The following RASEF variants were observed in gnomAD, a reference collection of about 807,000 sequenced individuals.
RASEF encodes RAS and EF-hand domain containing, also known as ras and EF-hand domain-containing protein.
In RASEF, 68 loss-of-function variants were observed where a neutral mutation model predicts 90.1. That is an observed-to-expected ratio of 0.75 (90% confidence interval 0.62 to 0.92). The LOEUF (loss-of-function observed/expected upper bound fraction) is 0.92. Ranked by LOEUF, RASEF falls within the 40% of genes least tolerant of loss-of-function variation. RASEF has a pLI of 0.00. For missense variants in RASEF, 949 were observed against 937.2 expected (o/e 1.01, Z -0.16); for synonymous variants, 331 against 345.2 (o/e 0.96, Z 0.46).
chr9:83,049,314 C>A (rs903446629), intron 1 of RASEF: 2 of 985,286 alleles, frequency 2.0e-6, no homozygotes, highest in Non-Finnish European at 2.4e-6. Context: ...AGTCAGCTAA[C>A]CTGACGGGGA....
At chr9:83,092,678 G>C in the RASEF span, among the ~76,000 whole-genome samples, 4 of 152,174 alleles carry the variant, frequency 2.6e-5, no homozygotes, top group South Asian at 2.1e-4. Context: ...AAGGGGACCC[G>C]AGCGGGTTGC....
chr9:83,062,189 G>C (rs1383414502), intron 1 of RASEF, among the ~76,000 whole-genome samples: 1 of 152,180 alleles, frequency 6.6e-6, no homozygotes, highest in African/African-American at 2.4e-5. Flanking sequence ...CTCCTGTAAT[G>C]AACACGCCGC....
intron 1 of RASEF, among the ~76,000 whole-genome samples, chr9:83,032,449 A>G (rs1214990910): frequency 1.3e-5 from 2 of 152,238 alleles, no homozygotes; most frequent in Non-Finnish European, 2.9e-5. Context: ...AAGATTAAGG[A>G]TCAAGTCATA....
At chr9:83,200,750 C>T in the RASEF span, among the ~76,000 whole-genome samples, 1 of 152,158 alleles carries the variant, frequency 6.6e-6, no homozygotes, top group Admixed American at 6.5e-5. Flanking sequence ...ATAGCAGGGC[C>T]TCAGTGAGCT....
the RASEF span, among the ~76,000 whole-genome samples, chr9:83,159,061 C>T: frequency 6.6e-5 from 10 of 151,950 alleles, no homozygotes; most frequent in Admixed American, 3.9e-4. Context: ...TGGCAGGTGC[C>T]TGTAGTCCCA....
At chr9:83,168,485 T>C in the RASEF span, among the ~76,000 whole-genome samples, 1 of 152,272 alleles carries the variant, frequency 6.6e-6, no homozygotes, top group African/African-American at 2.4e-5. Flanking sequence ...TCATTTATCA[T>C]TCGGCACAGC....
chr9:83,203,677 G>A, the RASEF span, among the ~76,000 whole-genome samples: 1 of 152,124 alleles, frequency 6.6e-6, no homozygotes, highest in African/African-American at 2.4e-5. Context: ...GGTACGGTGG[G>A]GGTCTCTCTT....
chr9:83,190,470 A>G, the RASEF span, among the ~76,000 whole-genome samples: 2 of 152,188 alleles, frequency 1.3e-5, no homozygotes, highest in African/African-American at 2.4e-5. Context: ...CTTGCCTCTC[A>G]TTTATGTGCT....
chr9:83,177,650 G>C, the RASEF span, among the ~76,000 whole-genome samples: 1 of 151,014 alleles, frequency 6.6e-6, no homozygotes, highest in Non-Finnish European at 1.5e-5. Context: ...GTGTCATTTA[G>C]TTTTCTCTTG....
chr9:83,155,954 T>G, the RASEF span, among the ~76,000 whole-genome samples: 1 of 152,134 alleles, frequency 6.6e-6, no homozygotes, highest in African/African-American at 2.4e-5. Flanking sequence ...CAAGTTTCCA[T>G]CCCAGGATCT....
intron 15 of RASEF, among the ~76,000 whole-genome samples, chr9:82,990,897 C>T (rs955511094): frequency 1.3e-5 from 2 of 152,220 alleles, no homozygotes; most frequent in Non-Finnish European, 2.9e-5. Context: ...CTGGATCCAG[C>T]AGCCTCCACG....
At chr9:83,165,877 A>T in the RASEF span, among the ~76,000 whole-genome samples, 63 of 152,256 alleles carry the variant, frequency 4.1e-4, no homozygotes, top group Admixed American at 1.4e-3. Context: ...ACATTTTTTT[A>T]AAAACCCTAT....
chr9:83,084,861 T>G, the RASEF span, among the ~76,000 whole-genome samples: 7 of 152,140 alleles, frequency 4.6e-5, no homozygotes, highest in Non-Finnish European at 1.0e-4. Context: ...TGGATATTTT[T>G]GTCTTGGATA....
At chr9:83,215,482 C>T in the RASEF span, among the ~76,000 whole-genome samples, 1 of 152,208 alleles carries the variant, frequency 6.6e-6, no homozygotes. Context: ...GCTCCCCTGG[C>T]TCCTGCCTGT....
intron 6 of RASEF, among the ~76,000 whole-genome samples, chr9:83,008,919 T>TAC (rs1564075685): frequency 7.8e-6 from 1 of 128,604 alleles, no homozygotes; most frequent in Non-Finnish European, 1.7e-5. Context: ...TATATATATA[T>TAC]ATATATATAT....
At chr9:83,188,551 G>A in the RASEF span, among the ~76,000 whole-genome samples, 998 of 152,280 alleles carry the variant, frequency 6.6e-3, 8 homozygotes, top group African/African-American at 0.023. Flanking sequence ...TCTCTATTGT[G>A]TGCTTGGAAT....
At chr9:83,159,253 T>C in the RASEF span, among the ~76,000 whole-genome samples, 1 of 152,082 alleles carries the variant, frequency 6.6e-6, no homozygotes, top group East Asian at 1.9e-4. Context: ...ATACATCCAA[T>C]TAATCAAATT....
the RASEF span, among the ~76,000 whole-genome samples, chr9:83,103,908 C>T: frequency 6.6e-6 from 1 of 152,186 alleles, no homozygotes; most frequent in Non-Finnish European, 1.5e-5. Context: ...CATGTTATGA[C>T]TGCTTCATGA....
chr9:83,009,672 C>G lies in RASEF; in HGVS notation c.928G>C (p.Asp310His), dbSNP rs777042926. 1 of 1,611,314 alleles carries G rather than the reference C, an allele frequency of 6.2e-7. No individual in the cohort carries two copies. The highest frequency in any genetic ancestry group is 8.5e-7 in the Non-Finnish European group (1 of 1,177,756). Reference protein sequence around the residue: ...LQSELDALKSDYADQSLNTER... With the variant: ...LQSELDALKSHYADQSLNTER... ...GTATTCAGACTCTGATCAGCATAATCACTTTTCAAAGCATCTAACTCACTC... is the reference window on the plus strand; with the variant it reads ...GTATTCAGACTCTGATCAGCATAATGACTTTTCAAAGCATCTAACTCACTC... Residue 310 changes from aspartate to histidine, a missense_variant, in exon 6 of 17, where the codon GAT (aspartate) becomes CAT (histidine). By Grantham distance (81) the Asp-to-His change is moderately conservative. Coordinates refer to ENST00000376447, the MANE Select transcript of RASEF (RefSeq NM_152573.4).
Sources: gnomAD v4.1 joint callset for allele counts (sites outside exome capture counted in the v4.1 genomes callset) on GRCh38, gnomAD v4.1.1 for gene constraint, MANE v1.5 for transcripts, NCBI Gene and HGNC (gene_info 2026-07-23, HGNC 2026-07-21) for gene names.